The following CACNA1B variants were observed in gnomAD, a reference collection of about 807,000 sequenced individuals.
CACNA1B encodes calcium voltage-gated channel subunit alpha1 B.
A neutral mutation model predicts 247.2 loss-of-function variants in CACNA1B; 70 were observed. The ratio of observed to expected loss-of-function variants is 0.28; its 90% CI spans 0.23 to 0.35. The LOEUF is 0.35. Ranked by LOEUF, CACNA1B falls within the 10% of genes least tolerant of loss-of-function variation. The pLI is 1.00. For synonymous variants in CACNA1B, 1,231 were observed against 1,294.4 expected, an observed-to-expected ratio of 0.95 and a Z score of 1.05; for missense variants, 2,367 against 3,197.4, an observed-to-expected ratio of 0.74 and a Z score of 6.26.
At chr9:138,003,778 CTTTTTTTTTTT>C (rs11305081) in intron 15 of CACNA1B, among the ~76,000 whole-genome samples, 1,360 of 86,982 alleles carry the variant, frequency 0.016, 39 homozygotes, top group African/African-American at 0.07. Flanking sequence ...ACGGGCTTGC[CTTTTTTTTTTT>C]TTTTTTTTTT....
intron 3 of CACNA1B, among the ~76,000 whole-genome samples, chr9:137,886,744 C>A (rs868546146): frequency 6.6e-6 from 1 of 151,930 alleles, no homozygotes; most frequent in Non-Finnish European, 1.5e-5. Context: ...TGATGAGTTG[C>A]GGCATGGGCG....
At chr9:138,118,884 C>A in intron 44 of CACNA1B, 116 bp downstream of exon 44, 1 of 629,928 alleles carries the variant, frequency 1.6e-6, no homozygotes, top group Non-Finnish European at 2.8e-6. Flanking sequence ...GGCTGGGGTC[C>A]ATGTGTGGAG....
In CACNA1B at chr9:137,944,688, G is replaced by C. The variant is rs142374671; in HGVS notation, c.967-7586G>C. On this transcript the variant is annotated intron_variant, in intron 6 of 46. Transcript: ENST00000371372. ...CTAGGGTTCTCAGAATAGCTTCCTA[G>C]CTTTTCTGTATGTTGTTTTATATCA... Among the ~76,000 whole-genome samples, 636 of 152,274 alleles carry C rather than the reference G, an allele frequency of 4.2e-3. 5 individuals carry two copies. Among genetic ancestry groups the C allele is most frequent in the Non-Finnish European group, 7.5e-3 (508 of 68,000 alleles).
chr9:137,936,165 A>C (rs913646938), intron 6 of CACNA1B, among the ~76,000 whole-genome samples: 7 of 152,046 alleles, frequency 4.6e-5, no homozygotes, highest in Non-Finnish European at 7.4e-5. Flanking sequence ...CTGTTTCCTG[A>C]CTTTTTAATG....
intron 34 of CACNA1B, 149 bp downstream of exon 34, chr9:138,074,215 C>A: frequency 3.0e-6 from 2 of 675,978 alleles, no homozygotes; most frequent in Non-Finnish European, 5.3e-6. Flanking sequence ...TGAGCACTTG[C>A]TGAACTTACG....
Position 138,072,771 on chromosome 9 carries a change from C to T in CACNA1B, c.4675-717C>T, listed in dbSNP as rs1207548883. On this transcript the variant is annotated intron_variant, in intron 32 of 46. Transcript: ENST00000371372. This position sits in a 1 kb window ranked among gnomAD's most constrained non-coding sequence, Gnocchi z 4.5. The stretch of plus-strand genomic sequence containing the variant: ...TAATCTGTGGAGTCCCAGGTTTATC[C>T]ATTTATCATTGTGCTTGATTTTGAG... Among the ~76,000 whole-genome samples, 4 of 152,242 alleles carry T rather than the reference C, an allele frequency of 2.6e-5. No homozygotes were observed.
At chr9:137,967,809 C>T (rs973711138) in intron 10 of CACNA1B, among the ~76,000 whole-genome samples, 7 of 152,306 alleles carry the variant, frequency 4.6e-5, no homozygotes, top group South Asian at 2.1e-4. Context: ...GCCCCTCTGG[C>T]GCGGAGTGCT....
chr9:138,078,196 G>C lies in CACNA1B; in HGVS notation c.5032G>C (p.Glu1678Gln). The change falls in exon 36 of 47, where the codon GAG becomes CAG. Residue 1678 changes from glutamate (E) to glutamine (Q), a missense_variant. Transcript: ENST00000371372. Reference sequence around the variant, plus strand: ...CTGTGATGAGCAGGCCAATGCCACCGAGTGTGGAAGTGACTTTGCCTACTT... The same window carrying C: ...CTGTGATGAGCAGGCCAATGCCACCCAGTGTGGAAGTGACTTTGCCTACTT... Reference protein sequence around the residue: ...QACDEQANATECGSDFAYFYF... With the variant: ...QACDEQANATQCGSDFAYFYF... 1 of 1,613,922 alleles carries C rather than the reference G, an allele frequency of 6.2e-7. No homozygotes were observed. The highest frequency in any genetic ancestry group is 8.5e-7 in the Non-Finnish European group (1 of 1,179,828).
rs1265616394 is a variant in CACNA1B, at chr9:137,973,710, G to A, written c.1543+2118G>A. Among the ~76,000 whole-genome samples, 1 of 152,198 alleles carries A rather than the reference G, an allele frequency of 6.6e-6. No individual in the cohort carries two copies. On this transcript the variant is annotated intron_variant, in intron 11 of 46. Coordinates refer to ENST00000371372, the MANE Select transcript of CACNA1B (RefSeq NM_000718.4). The surrounding 1 kb of genome is among the most constrained non-coding windows in gnomAD (Gnocchi z 4.1). ...CATGCTGGCTCAAAACAGCACCAGTGCCTGCTGGTAGGATGCATGATACAA... is the reference window on the plus strand; with the variant it reads ...CATGCTGGCTCAAAACAGCACCAGTACCTGCTGGTAGGATGCATGATACAA...
chr9:137,960,865 G>GTTTGT (rs890501823), intron 10 of CACNA1B, among the ~76,000 whole-genome samples: 27 of 152,184 alleles, frequency 1.8e-4, no homozygotes, highest in African/African-American at 6.3e-4. Flanking sequence ...TCTCCATCAT[G>GTTTGT]TTTGTTTTGT....
At chr9:138,084,681 G>A (rs1960635671) in intron 36 of CACNA1B, among the ~76,000 whole-genome samples, 1 of 151,216 alleles carries the variant, frequency 6.6e-6, no homozygotes, top group Non-Finnish European at 1.5e-5. Context: ...ACCAGGTGTG[G>A]TGGCTCACGC....
chr9:137,884,514 A>C (rs1338423568), intron 3 of CACNA1B, among the ~76,000 whole-genome samples: 1 of 144,778 alleles, frequency 6.9e-6, no homozygotes, highest in Non-Finnish European at 1.5e-5. Flanking sequence ...GCAGCCCAGG[A>C]GTCATGGTAG....
intron 20 of CACNA1B, among the ~76,000 whole-genome samples, chr9:138,037,808 G>A (rs1279724212): frequency 1.3e-5 from 2 of 152,166 alleles, no homozygotes; most frequent in Non-Finnish European, 1.5e-5. Flanking sequence ...ATGGAGCAGT[G>A]GGTTCAGCCT....
chr9:138,049,405 TG>T, intron 24 of CACNA1B, 90 bp downstream of exon 24: 1 of 811,636 alleles, frequency 1.2e-6, no homozygotes, highest in South Asian at 1.4e-5. Context: ...GGCCCTCTTG[TG>T]GGCTTCCCTG....
intron 42 of CACNA1B, 68 bp from the exon 43 acceptor site, chr9:138,117,878 A>G: frequency 1.5e-6 from 2 of 1,314,048 alleles, no homozygotes; most frequent in Non-Finnish European, 2.1e-6. Context: ...AGGTTGAAGC[A>G]CCAGGCTATT....
chr9:138,087,557 A>G (rs1251972950), intron 36 of CACNA1B, among the ~76,000 whole-genome samples: 1 of 143,174 alleles, frequency 7.0e-6, no homozygotes, highest in African/African-American at 2.7e-5. Context: ...TCTACTAAAA[A>G]TACAAAAATT....
At position 137,950,220 on chromosome 9, in the gene CACNA1B, G is replaced by A. The variant is rs1478123419; in HGVS notation, c.967-2054G>A. Among the ~76,000 whole-genome samples, 1 of 152,218 alleles carries A rather than the reference G, an allele frequency of 6.6e-6. No individual in the cohort carries two copies. Among genetic ancestry groups the A allele is most frequent in the Non-Finnish European group, 1.5e-5 (1 of 68,040 alleles). On this transcript the variant is annotated intron_variant, in intron 6 of 46. Coordinates refer to ENST00000371372, the MANE Select transcript of CACNA1B (RefSeq NM_000718.4). The surrounding 1 kb of genome is among the most constrained non-coding windows in gnomAD (Gnocchi z 4.8). ...GCCTCAAGGGAACTTTCCTGGCTGG[G>A]AGGGTTAGAGGTGCCTTGTTCTTGT...
Position 138,023,526 on chromosome 9 carries a change from C to T in CACNA1B, c.2783C>T (p.Ala928Val). Reference protein sequence around the residue: ...HHRRGSPEEAAEREPRRHRAH... With the variant: ...HHRRGSPEEAVEREPRRHRAH... ...CGGCGCGGCTCCCCGGAGGAGGCGG[C>T]CGAGCGGGAGCCCCGACGCCACCGC... Residue 928 changes from alanine to valine, a missense_variant, in exon 19 of 47, where the codon GCC (alanine) becomes GTC (valine). Around this residue, in one of 12 missense-constraint regions of CACNA1B, gnomAD observed 631 missense variants for 631.1 expected, o/e 1.00. Transcript: ENST00000371372. 4.6e-6 allele frequency: 5 copies of T among 1,076,022 alleles called. No individual in the cohort carries two copies. Among genetic ancestry groups the T allele is most frequent in the Non-Finnish European group, 2.2e-6 (2 of 889,214 alleles). The allele number at this position is 1,076,022 out of a possible 1,614,324, so 66.7% of individuals were successfully genotyped here.
At position 138,011,275 on chromosome 9, in the gene CACNA1B, C is replaced by T. The variant is rs956421686; in HGVS notation, c.2160+1198C>T. On this transcript the variant is annotated intron_variant, in intron 17 of 46. Transcript: ENST00000371372. This position sits in a 1 kb window ranked among gnomAD's most constrained non-coding sequence, Gnocchi z 4.2. ...GCTGCACTGGAGCGCTGGGGCCCCACTGTCTCTTTAAGTTCTGTCATGAAG... is the reference window on the plus strand; with the variant it reads ...GCTGCACTGGAGCGCTGGGGCCCCATTGTCTCTTTAAGTTCTGTCATGAAG... Among the ~76,000 whole-genome samples the T allele has an allele frequency of 1.3e-5, 2 of 152,208 alleles. No homozygotes were observed. Among genetic ancestry groups the T allele is most frequent in the East Asian group, 3.9e-4 (2 of 5,186 alleles).
Sources: gnomAD v4.1 joint callset for allele counts (sites outside exome capture counted in the v4.1 genomes callset) on GRCh38, gnomAD v4.1.1 for gene constraint, gnomAD v4.1.1 regional missense constraint, Gnocchi (gnomAD v3.1) non-coding constraint, MANE v1.5 for transcripts, NCBI Gene and HGNC (gene_info 2026-07-23, HGNC 2026-07-21) for gene names.